ZMAT3: variants seen among roughly 807,000 people sequenced by gnomAD.
ZMAT3 encodes the protein zinc finger matrin-type protein 3.
Under a neutral mutation model 32.3 loss-of-function variants are expected in ZMAT3, and 17 were observed. The observed-to-expected ratio is 0.53, with a 90% CI of 0.36 to 0.79. ZMAT3 has a LOEUF of 0.79. Ranked by LOEUF, ZMAT3 falls within the 30% of genes least tolerant of loss-of-function variation. The pLI, the probability that ZMAT3 is intolerant of heterozygous loss-of-function variation, is 0.00. For synonymous variants in ZMAT3, 120 were observed against 133.1 expected, an observed-to-expected ratio of 0.90 and a Z score of 0.68; for missense variants, 329 against 359.7, an observed-to-expected ratio of 0.91 and a Z score of 0.69.
rs933011216 is a variant in ZMAT3 at position 179,023,559 on chromosome 3, T to G, written c.*1458A>C. ...CGTAAGAATCAGATTATCAAAAAAG[T>G]CTGGCAAAACAAAATATCAAGCAAT... On this transcript the variant is annotated 3_prime_UTR_variant, in exon 6 of 6. Transcript: ENST00000311417. 4.0e-5 allele frequency: 6 copies of G among 149,470 alleles called. No individual in the cohort carries two copies. Among genetic ancestry groups the G allele is most frequent in the African/African-American group, 1.2e-4 (5 of 40,498 alleles). 9.3% of individuals were successfully genotyped at this position (149,470 alleles called of 1,614,324 possible). A position where few individuals can be genotyped will look rare whatever the true frequency, so the allele number is the denominator to read the frequency against.
intron 2 of ZMAT3, among the ~76,000 whole-genome samples, chr3:179,036,576 T>G (rs1576847425): frequency 6.6e-6 from 1 of 151,064 alleles, no homozygotes; most frequent in Non-Finnish European, 1.5e-5. Flanking sequence ...AGAAGGGAGG[T>G]GAACCGCAGG....
chr3:179,044,237 A>G (rs1720105893), intron 2 of ZMAT3, among the ~76,000 whole-genome samples: 1 of 152,194 alleles, frequency 6.6e-6, no homozygotes, highest in South Asian at 2.1e-4. Context: ...TACCCAAAGG[A>G]TTATAAATCA....
At chr3:179,030,755 T>C (rs1489238088) in intron 3 of ZMAT3, 125 bp downstream of exon 3, 1 of 1,410,164 alleles carries the variant, frequency 7.1e-7, no homozygotes, top group African/African-American at 1.4e-5. Context: ...CCAAGCAGCA[T>C]CTTTCAGGAT....
At position 179,022,143 on chromosome 3, in the gene ZMAT3, C is replaced by G. The variant is rs1280252145; in HGVS notation, c.*2874G>C. ...ACTTCTTTCTTTAAAAGAAAATGTG[C>G]TTATGCATTCATAACATCCATTAAG... On this transcript the variant is annotated 3_prime_UTR_variant, in exon 6 of 6. Coordinates refer to ENST00000311417, the MANE Select transcript of ZMAT3 (RefSeq NM_022470.4). The G allele has an allele frequency of 6.6e-6, 1 of 152,018 alleles. No homozygotes were observed. The highest frequency in any genetic ancestry group is 2.4e-5 in the African/African-American group (1 of 41,386). 9.4% of individuals were successfully genotyped at this position (152,018 alleles called of 1,614,324 possible).
intron 2 of ZMAT3, 111 bp from the exon 3 acceptor site, chr3:179,031,110 G>C (rs909531070): frequency 1.0e-5 from 9 of 866,664 alleles, no homozygotes; most frequent in Non-Finnish European, 1.5e-5. Context: ...TTTTGAGAGA[G>C]AGACCACATT....
intron 2 of ZMAT3, among the ~76,000 whole-genome samples, chr3:179,037,021 T>C (rs1719630761): frequency 6.6e-6 from 1 of 152,142 alleles, no homozygotes; most frequent in South Asian, 2.1e-4. Flanking sequence ...GGGTCCCCTC[T>C]CACACACAGG....
intron 2 of ZMAT3, among the ~76,000 whole-genome samples, chr3:179,036,810 T>A (rs571720003): frequency 6.6e-6 from 1 of 152,146 alleles, no homozygotes; most frequent in African/African-American, 2.4e-5. Flanking sequence ...CCCAACCTCA[T>A]GCCAAAGACA....
At chr3:179,045,026 T>C (rs1720154925) in intron 2 of ZMAT3, among the ~76,000 whole-genome samples, 1 of 151,438 alleles carries the variant, frequency 6.6e-6, no homozygotes, top group Non-Finnish European at 1.5e-5. Flanking sequence ...ACTTAAAGTA[T>C]AATAAAAAAT....
intron 5 of ZMAT3, among the ~76,000 whole-genome samples, chr3:179,026,200 G>A (rs1479563816): frequency 3.3e-5 from 5 of 151,880 alleles, no homozygotes; most frequent in East Asian, 1.9e-4. Context: ...TTGTACTCTG[G>A]TCAGAGAACA....
Position 179,025,139 on chromosome 3 carries a change from T to A in ZMAT3, c.748A>T (p.Met250Leu). The change falls in exon 6 of 6, where the codon ATG (methionine) becomes TTG (leucine). Residue 250 changes from methionine to leucine, a missense_variant. Physicochemically the swap from Met to Leu is conservative, Grantham distance 15 (BLOSUM62 2). Coordinates refer to ENST00000311417, the MANE Select transcript of ZMAT3 (RefSeq NM_022470.4). ...TCTTCGCCAGCTCCAACATTACACA[T>A]TGAGCAGTAAAACTGGCCACTTGGA... is the stretch of plus-strand genomic sequence containing the variant. The part of the protein sequence containing the change: ...VTPSGQFYCS[M>L]CNVGAGEEME... The A allele has an allele frequency of 6.2e-7, 1 of 1,614,188 alleles. No individual in the cohort carries two copies. Among genetic ancestry groups the A allele is most frequent in the Non-Finnish European group, 8.5e-7 (1 of 1,180,040 alleles).
At chr3:179,035,621 T>C (rs1414537239) in intron 2 of ZMAT3, among the ~76,000 whole-genome samples, 3 of 152,054 alleles carry the variant, frequency 2.0e-5, no homozygotes, top group Non-Finnish European at 4.4e-5. Flanking sequence ...TTTTTTTCTC[T>C]TTCCTCCGCT....
At chr3:179,064,241 A>AT (rs1721290931) in intron 2 of ZMAT3, among the ~76,000 whole-genome samples, 1 of 152,230 alleles carries the variant, frequency 6.6e-6, no homozygotes, top group Non-Finnish European at 1.5e-5. Flanking sequence ...CCCGTGACCC[A>AT]TTTTATCTCA....
intron 2 of ZMAT3, among the ~76,000 whole-genome samples, chr3:179,064,656 C>G (rs1480263519): frequency 6.6e-6 from 1 of 152,122 alleles, no homozygotes; most frequent in African/African-American, 2.4e-5. Flanking sequence ...GTCTTGAACT[C>G]CTGAACGCAA....
At chr3:179,029,484 G>C (rs1220017352) in intron 3 of ZMAT3, among the ~76,000 whole-genome samples, 1 of 151,170 alleles carries the variant, frequency 6.6e-6, no homozygotes, top group Non-Finnish European at 1.5e-5. Context: ...TTATTTTTTT[G>C]AGATAGTCTC....
chr3:179,039,734 G>A lies in ZMAT3; in HGVS notation c.271-8735C>T, dbSNP rs111638255. On this transcript the variant is annotated intron_variant, in intron 2 of 5. Transcript: ENST00000311417. The stretch of plus-strand genomic sequence containing the variant: ...AAGCTGGACAAAGAATGACTCTGAC[G>A]AGGTGACAGAAGTAGACTTCAGAAG... Among the ~76,000 whole-genome samples, 384 of 152,294 alleles carry A rather than the reference G, an allele frequency of 2.5e-3. 4 individuals are homozygous for A. Among genetic ancestry groups the A allele is most frequent in the African/African-American group, 8.7e-3 (362 of 41,568 alleles).
intron 2 of ZMAT3, among the ~76,000 whole-genome samples, chr3:179,036,886 C>T (rs1181845731): frequency 3.3e-5 from 5 of 152,064 alleles, no homozygotes; most frequent in East Asian, 1.9e-4. Context: ...AGAACTTCCT[C>T]GATGCCTTTT....
At chr3:179,028,838 C>A (rs1342590230) in intron 3 of ZMAT3, among the ~76,000 whole-genome samples, 1 of 152,094 alleles carries the variant, frequency 6.6e-6, no homozygotes, top group Non-Finnish European at 1.5e-5. Flanking sequence ...ATGATACAAA[C>A]TGGTTAAAAG....
intron 2 of ZMAT3, among the ~76,000 whole-genome samples, chr3:179,032,276 T>C (rs1183776977): frequency 6.6e-6 from 1 of 151,770 alleles, no homozygotes; most frequent in Non-Finnish European, 1.5e-5. Flanking sequence ...GGTGCCGGGA[T>C]TGCAGACAGA....
rs1473328669 is a variant in ZMAT3 at position 179,022,628 on chromosome 3, A to AG, written c.*2388_*2389insC. The stretch of plus-strand genomic sequence containing the variant: ...AGCAACTCTACTTTATAGATTACTG[A>AG]AAAAATAATAATAATAATAATAATA... On this transcript the variant is annotated 3_prime_UTR_variant, in exon 6 of 6. Transcript: ENST00000311417. 2 of 57,386 alleles carry AG rather than the reference A, an allele frequency of 3.5e-5. No homozygotes were observed. The highest frequency in any genetic ancestry group is 2.9e-3 in the East Asian group (1 of 342). The allele number at this position is 57,386 out of a possible 1,614,324, so 3.6% of individuals were successfully genotyped here.
Sources: allele counts gnomAD v4.1 joint callset (sites outside exome capture counted in the v4.1 genomes callset), GRCh38; gene constraint gnomAD v4.1.1; transcripts MANE v1.5; gene names NCBI Gene and HGNC (gene_info 2026-07-23, HGNC 2026-07-21).